Variants in RAB40C observed in about 807,000 individuals in gnomAD.
RAB40C encodes the protein RAB40C, member RAS oncogene family.
RAB40C carries 8 observed loss-of-function variants against 28.1 expected under a neutral mutation model. That is an observed-to-expected ratio of 0.28 (90% CI 0.17 to 0.51). The LOEUF is 0.51. Among genes scored for constraint, RAB40C ranks in the 20% least tolerant of loss-of-function variants. The pLI, the probability that RAB40C is intolerant of heterozygous loss-of-function variation, is 0.97. For synonymous variants in RAB40C, 201 were observed against 171.7 expected, an observed-to-expected ratio of 1.17 and a Z score of -1.34; for missense variants, 288 against 405.9, an observed-to-expected ratio of 0.71 and a Z score of 2.50.
chr16:617,400 T>G, intron 2 of RAB40C, 132 bp downstream of exon 2: 1 of 1,069,914 alleles, frequency 9.3e-7, no homozygotes, highest in Non-Finnish European at 1.4e-6. Flanking sequence ...CAGCCCCTGT[T>G]TAAACATAGA....
intron 1 of RAB40C, 128 bp from the exon 2 acceptor site, chr16:617,080 A>G (rs2036601877): frequency 2.1e-6 from 2 of 945,986 alleles, no homozygotes; most frequent in Admixed American, 1.9e-5. Flanking sequence ...CCACTGGCTG[A>G]GTGTGGGGGA....
rs748287497 is a variant in RAB40C at position 610,469 on chromosome 16, G to A, written c.143-6739G>A. 4.2e-4 allele frequency among the ~76,000 whole-genome samples: 64 copies of A among 152,174 alleles called. No homozygotes were observed. The highest frequency in any genetic ancestry group is 7.8e-4 in the Non-Finnish European group (53 of 68,006). ...GCGTGAGGCCTCAGTGGGCCTGCAC[G>A]GAGCAGCTGACCTTCACTGGCGCCC... On this transcript the variant is annotated intron_variant, in intron 1 of 5. Coordinates refer to ENST00000248139, the MANE Select transcript of RAB40C (RefSeq NM_021168.5). The surrounding 1 kb of genome is among the most constrained non-coding windows in gnomAD (Gnocchi z 4.6).
In RAB40C at chr16:614,218, C is replaced by T. The variant is rs370944568; in HGVS notation, c.143-2990C>T. 4.0e-5 allele frequency among the ~76,000 whole-genome samples: 6 copies of T among 149,082 alleles called. No homozygotes were observed. The South Asian group carries it at 1.1e-3, about 27-fold the overall frequency. Reference sequence around the variant, plus strand: ...CCCTATGGTGAACTGCTAACTCTGCCGCATCCCGATGGTGAACTGCCTAAC... The same window carrying T: ...CCCTATGGTGAACTGCTAACTCTGCTGCATCCCGATGGTGAACTGCCTAAC... On this transcript the variant is annotated intron_variant, in intron 1 of 5. Transcript: ENST00000248139.
intron 1 of RAB40C, chr16:596,235 G>A: frequency 2.2e-6 from 1 of 450,988 alleles, no homozygotes; most frequent in South Asian, 1.6e-5. Flanking sequence ...AGCCACATCG[G>A]GGAGCTGAGA....
chr16:618,711 CAG>C (rs59677563), intron 3 of RAB40C, among the ~76,000 whole-genome samples: 74 of 137,268 alleles, frequency 5.4e-4, no homozygotes, highest in South Asian at 1.2e-3. Flanking sequence ...TGGGTGCACT[CAG>C]GGCCATGTGT....
At chr16:619,812 C>G (rs1035227552) in intron 3 of RAB40C, among the ~76,000 whole-genome samples, 4 of 152,222 alleles carry the variant, frequency 2.6e-5, no homozygotes, top group African/African-American at 4.8e-5. Flanking sequence ...GAGCTTCGTC[C>G]CATGGCAAGC....
chr16:618,343 A>G, intron 3 of RAB40C, 83 bp downstream of exon 3: 1 of 1,357,698 alleles, frequency 7.4e-7, no homozygotes, highest in Non-Finnish European at 1.0e-6. Context: ...TGTCCTGTCA[A>G]ACTCCCAAGG....
chr16:603,735 C>T (rs2036301559), intron 1 of RAB40C, among the ~76,000 whole-genome samples: 1 of 152,124 alleles, frequency 6.6e-6, no homozygotes, highest in African/African-American at 2.4e-5. Context: ...AGGAGCACAT[C>T]CACTCTCCTC....
chr16:625,646 C>A, intron 4 of RAB40C, 137 bp downstream of exon 4: 1 of 978,546 alleles, frequency 1.0e-6, no homozygotes, highest in Non-Finnish European at 1.5e-6. Flanking sequence ...CCACGGCCTA[C>A]GCCTGGGCAT....
intron 4 of RAB40C, 77 bp downstream of exon 4, chr16:625,586 T>G: frequency 6.9e-7 from 1 of 1,442,432 alleles, no homozygotes; most frequent in Non-Finnish European, 9.6e-7. Context: ...AGGCTCTGGA[T>G]TCCCGCCTGC....
chr16:626,048 C>T lies in RAB40C; in HGVS notation c.492C>T (p.Ile164=), dbSNP rs765498797. ...GCCCCCTGTGCAACTTCAACGTCAT[C>T]GAGTCCTTCACGGAGCTATCCCGCA... ...EVSPLCNFNV[I]ESFTELSRIV... is the part of the protein sequence containing the mutation. Residue 164 remains isoleucine (I), a synonymous_variant, in exon 5 of 6, where the codon ATC becomes ATT. Coordinates refer to ENST00000248139, the MANE Select transcript of RAB40C (RefSeq NM_021168.5). 15 of 1,613,310 alleles carry T rather than the reference C, an allele frequency of 9.3e-6. No individual in the cohort carries two copies. The highest frequency in any genetic ancestry group is 1.6e-4 in the Middle Eastern group (1 of 6,084).
At chr16:615,135 G>T (rs2036561085) in intron 1 of RAB40C, among the ~76,000 whole-genome samples, 1 of 152,232 alleles carries the variant, frequency 6.6e-6, no homozygotes, top group African/African-American at 2.4e-5. Flanking sequence ...CTAGAGATCA[G>T]TCTCTAGGAG....
At position 607,215 on chromosome 16, in the gene RAB40C, G is replaced by T. The variant is rs547124454; in HGVS notation, c.143-9993G>T. On this transcript the variant is annotated intron_variant, in intron 1 of 5. Coordinates refer to ENST00000248139, the MANE Select transcript of RAB40C (RefSeq NM_021168.5). Reference sequence around the variant, plus strand: ...GTTGATGACTGTTGAAAACAAAGTCGCCTGGGCACGGTGGCTCAACCCTGT... The same window carrying T: ...GTTGATGACTGTTGAAAACAAAGTCTCCTGGGCACGGTGGCTCAACCCTGT... Among the ~76,000 whole-genome samples the T allele has an allele frequency of 9.2e-5, 14 of 152,322 alleles. No individual in the cohort carries two copies. The Middle Eastern group carries it at 0.01, about 111-fold the overall frequency.
intron 1 of RAB40C, among the ~76,000 whole-genome samples, chr16:598,204 C>T (rs986085084): frequency 1.3e-5 from 2 of 151,916 alleles, no homozygotes; most frequent in Non-Finnish European, 2.9e-5. Flanking sequence ...ATGGTGAAAC[C>T]CTGTCTCTAT....
Position 618,205 on chromosome 16 carries a change from C to T in RAB40C, c.209C>T (p.Thr70Met). 3 of 1,613,444 alleles carry T rather than the reference C, an allele frequency of 1.9e-6. No individual in the cohort carries two copies. The highest frequency in any genetic ancestry group is 1.1e-5 in the South Asian group (1 of 91,038). ...CCCCTCCCCGTATGTTTCAGGGACACGTCGGGCCAGGGCCGGTTCTGCACC... is the reference window on the plus strand; with the variant it reads ...CCCCTCCCCGTATGTTTCAGGGACATGTCGGGCCAGGGCCGGTTCTGCACC... ...GRRVKLELWD[T>M]SGQGRFCTIF... is the part of the protein sequence containing the mutation. The change falls in exon 3 of 6, where the codon ACG becomes ATG. Residue 70 changes from threonine to methionine, a missense_variant. Physicochemically the swap from Thr to Met is moderately conservative, Grantham distance 81. Around this residue, in one of 3 missense-constraint regions of RAB40C, gnomAD observed 153 missense variants for 262.4 expected, o/e 0.58. Coordinates refer to ENST00000248139, the MANE Select transcript of RAB40C (RefSeq NM_021168.5).
At chr16:600,800 G>C (rs1257245276) in intron 1 of RAB40C, among the ~76,000 whole-genome samples, 1 of 152,206 alleles carries the variant, frequency 6.6e-6, no homozygotes, top group Admixed American at 6.6e-5. Flanking sequence ...CACACAGACA[G>C]TTTAACACAT....
chr16:626,198 CA>C (rs1422525917), intron 5 of RAB40C, 77 bp downstream of exon 5: 7 of 1,434,472 alleles, frequency 4.9e-6, no homozygotes, highest in African/African-American at 1.4e-5. Context: ...TGAGGGGGGC[CA>C]GGGGCCAGTG....
chr16:593,728 C>T (rs1567182869), intron 1 of RAB40C, among the ~76,000 whole-genome samples: 1 of 152,248 alleles, frequency 6.6e-6, no homozygotes, highest in African/African-American at 2.4e-5. Flanking sequence ...GTGGGAGCCC[C>T]TGTGAGCTCT....
In RAB40C at chr16:629,196, C is replaced by G. The variant is rs1210543262; in HGVS notation, c.*1574C>G. On this transcript the variant is annotated 3_prime_UTR_variant, in exon 6 of 6. Coordinates refer to ENST00000248139, the MANE Select transcript of RAB40C (RefSeq NM_021168.5). ...CACGGCATCAACACTACCCGCGCTG[C>G]TGTTAGACACTCCGCCATTCCTGGT... 1 of 248,054 alleles carries G rather than the reference C, an allele frequency of 4.0e-6. No homozygotes were observed. The highest frequency in any genetic ancestry group is 8.3e-6 in the Non-Finnish European group (1 of 120,112). 15.4% of individuals were successfully genotyped at this position (248,054 alleles called of 1,614,324 possible).
Sources: allele counts gnomAD v4.1 joint callset (sites outside exome capture counted in the v4.1 genomes callset), GRCh38; gene constraint gnomAD v4.1.1; regional missense constraint gnomAD v4.1.1; non-coding constraint Gnocchi (gnomAD v3.1); transcripts MANE v1.5; gene names NCBI Gene and HGNC (gene_info 2026-07-23, HGNC 2026-07-21).